MEI4: variants seen among roughly 807,000 people sequenced by gnomAD.
The protein encoded by MEI4 is meiosis-specific protein MEI4.
In MEI4, 27 loss-of-function variants were observed where a neutral mutation model predicts 31.4. The observed-to-expected ratio is 0.86, with a 90% CI of 0.63 to 1.19. The LOEUF is 1.19. MEI4 is among the 50% of genes most tolerant of loss of function. MEI4 has a pLI of 0.00. For synonymous variants in MEI4, 122 were observed against 145.4 expected (o/e 0.84, Z 1.16); for missense variants, 329 against 398.9 (o/e 0.82, Z 1.49).
intron 4 of MEI4, among the ~76,000 whole-genome samples, chr6:77,877,942 A>C (rs974309897): frequency 6.6e-6 from 1 of 152,264 alleles, no homozygotes; most frequent in African/African-American, 2.4e-5. Flanking sequence ...AAGGGAATAC[A>C]GATGACCAAG....
intron 2 of MEI4, among the ~76,000 whole-genome samples, chr6:77,696,014 C>A (rs1178221739): frequency 6.6e-6 from 1 of 152,046 alleles, no homozygotes; most frequent in African/African-American, 2.4e-5. Context: ...GTATTTTATT[C>A]TCTTTGAAGC....
intron 3 of MEI4, among the ~76,000 whole-genome samples, chr6:77,815,671 G>C (rs1388170748): frequency 1.3e-5 from 2 of 152,104 alleles, no homozygotes; most frequent in African/African-American, 4.8e-5. Context: ...TAAAGTCTGA[G>C]AACTGCAATA....
At chr6:77,754,843 C>G (rs1188302919) in intron 2 of MEI4, among the ~76,000 whole-genome samples, 1 of 152,114 alleles carries the variant, frequency 6.6e-6, no homozygotes, top group Non-Finnish European at 1.5e-5. Context: ...CTTGTGACAA[C>G]TCACTCACTG....
intron 1 of MEI4, among the ~76,000 whole-genome samples, chr6:77,677,894 G>A (rs946229727): frequency 1.4e-4 from 22 of 152,052 alleles, no homozygotes; most frequent in African/African-American, 5.1e-4. Flanking sequence ...CTGTATTTCA[G>A]TAATATTTGT....
At position 77,925,607 on chromosome 6, in the gene MEI4, A is replaced by T. The variant is rs1766823747; in HGVS notation, c.*2261A>T. 1 of 151,588 alleles carries T rather than the reference A, an allele frequency of 6.6e-6. No homozygotes were observed. Among genetic ancestry groups the T allele is most frequent in the Non-Finnish European group, 1.5e-5 (1 of 67,812 alleles). 9.4% of individuals were successfully genotyped at this position (151,588 alleles called of 1,614,324 possible). A position where few individuals can be genotyped will look rare whatever the true frequency, so the allele number is the denominator to read the frequency against. ...CTTTAGAATTAAGGTTTTAGGGATA[A>T]GAGTAATGGAGTCAGTAGTAATTGG... is the stretch of plus-strand genomic sequence containing the variant. On this transcript the variant is annotated 3_prime_UTR_variant, in exon 5 of 5. Coordinates refer to ENST00000684080, the MANE Select transcript of MEI4 (RefSeq NM_001322247.2).
chr6:77,921,067 A>G (rs969621789), intron 4 of MEI4, among the ~76,000 whole-genome samples: 4 of 151,914 alleles, frequency 2.6e-5, no homozygotes, highest in African/African-American at 9.7e-5. Flanking sequence ...GAAGCTCAGC[A>G]TTTATTTCTC....
intron 1 of MEI4, among the ~76,000 whole-genome samples, chr6:77,667,185 G>T (rs890422554): frequency 1.3e-5 from 2 of 152,100 alleles, no homozygotes; most frequent in Non-Finnish European, 2.9e-5. Flanking sequence ...TCTAAATGAG[G>T]TAGTAAAATG....
chr6:77,664,971 A>G (rs1243451434), intron 1 of MEI4, among the ~76,000 whole-genome samples: 1 of 151,938 alleles, frequency 6.6e-6, no homozygotes, highest in East Asian at 1.9e-4. Flanking sequence ...TTGAGAACAC[A>G]GGCCAAGGGA....
chr6:77,908,108 C>T (rs1420988205), intron 4 of MEI4, among the ~76,000 whole-genome samples: 3 of 151,622 alleles, frequency 2.0e-5, no homozygotes, highest in African/African-American at 7.3e-5. Context: ...TTCCTATTCA[C>T]TCTGATGGTA....
At chr6:77,916,212 T>C (rs1368067284) in intron 4 of MEI4, among the ~76,000 whole-genome samples, 3 of 152,030 alleles carry the variant, frequency 2.0e-5, no homozygotes, top group Admixed American at 2.0e-4. Flanking sequence ...TCACTGAGCT[T>C]TTTTTAAAAT....
At chr6:77,680,776 T>G (rs1768942184) in intron 1 of MEI4, among the ~76,000 whole-genome samples, 1 of 152,196 alleles carries the variant, frequency 6.6e-6, no homozygotes, top group African/African-American at 2.4e-5. Flanking sequence ...AATGGAGCCC[T>G]GAGAGAAGAA....
chr6:77,779,817 G>A (rs1768548570), intron 3 of MEI4, among the ~76,000 whole-genome samples: 1 of 152,108 alleles, frequency 6.6e-6, no homozygotes, highest in Non-Finnish European at 1.5e-5. Flanking sequence ...GGTTGTTCAT[G>A]TTCATTTTGA....
chr6:77,852,926 G>C (rs1272206771), intron 4 of MEI4, among the ~76,000 whole-genome samples: 1 of 152,134 alleles, frequency 6.6e-6, no homozygotes, highest in East Asian at 1.9e-4. Flanking sequence ...GCCGGGTGTG[G>C]TGGCTCACAC....
chr6:77,815,043 T>G (rs1582176787), intron 3 of MEI4, among the ~76,000 whole-genome samples: 1 of 152,118 alleles, frequency 6.6e-6, no homozygotes, highest in African/African-American at 2.4e-5. Flanking sequence ...AGAGGATTAC[T>G]GTGACTACTG....
rs149495482 is a variant in MEI4 at position 77,746,900 on chromosome 6, C to T, written c.233-14230C>T. 1.4e-3 allele frequency among the ~76,000 whole-genome samples: 213 copies of T among 152,094 alleles called. 1 individual carries two copies. Among genetic ancestry groups the T allele is most frequent in the African/African-American group, 4.5e-3 (187 of 41,498 alleles). On this transcript the variant is annotated intron_variant, in intron 2 of 4. Transcript: ENST00000684080. ...AAATTGTGTATTTTTATGTGCGATG[C>T]ATGAAGATGATTTGTTCAGTTCTAT...
chr6:77,730,744 A>T (rs991205072), intron 2 of MEI4, among the ~76,000 whole-genome samples: 4 of 151,730 alleles, frequency 2.6e-5, no homozygotes, highest in African/African-American at 9.7e-5. Context: ...GTCATCTAGC[A>T]TTAGGTGTAT....
At chr6:77,666,914 G>T (rs1768649591) in intron 1 of MEI4, among the ~76,000 whole-genome samples, 1 of 151,450 alleles carries the variant, frequency 6.6e-6, no homozygotes, top group Non-Finnish European at 1.5e-5. Context: ...TGTTGCTGTG[G>T]TAGTAGGCTG....
chr6:77,800,931 A>T (rs1473276722), intron 3 of MEI4, among the ~76,000 whole-genome samples: 1 of 152,176 alleles, frequency 6.6e-6, no homozygotes, highest in Non-Finnish European at 1.5e-5. Context: ...AATGTTCATC[A>T]GGGATATTAG....
chr6:77,878,802 A>C (rs2127727854), intron 4 of MEI4, among the ~76,000 whole-genome samples: 1 of 152,266 alleles, frequency 6.6e-6, no homozygotes, highest in South Asian at 2.1e-4. Context: ...AAAAAATCTC[A>C]TGGTTTAACT....
Sources: gnomAD v4.1 joint callset for allele counts (sites outside exome capture counted in the v4.1 genomes callset) on GRCh38, gnomAD v4.1.1 for gene constraint, MANE v1.5 for transcripts, NCBI Gene and HGNC (gene_info 2026-07-23, HGNC 2026-07-21) for gene names.